The following DNAH3 variants were observed in gnomAD, a reference collection of about 807,000 sequenced individuals.
The protein encoded by DNAH3 is axonemal beta dynein heavy chain 3.
DNAH3 carries 332 observed loss-of-function variants against 432.5 expected under a neutral mutation model. The ratio of observed to expected loss-of-function variants is 0.77; its 90% CI spans 0.70 to 0.84. DNAH3 has a LOEUF of 0.84. DNAH3 is among the 40% of genes least tolerant of loss of function. The probability of loss-of-function intolerance (pLI) is 0.00; values close to 1 mark genes in which losing one functional copy is unlikely to be tolerated. For synonymous variants in DNAH3, 1,956 were observed against 1,900.2 expected (o/e 1.03, Z -0.76); for missense variants, 4,861 against 5,114.0 (o/e 0.95, Z 1.51).
exon 20 of DNAH3, chr16:21,081,703 T>A: frequency 6.2e-7 from 1 of 1,613,964 alleles, no homozygotes; most frequent in Non-Finnish European, 8.5e-7. Flanking sequence ...GTGGGCTTTA[T>A]CTCATAGCCA....
At chr16:21,111,896 C>T in intron 13 of DNAH3, 92 bp from the exon 14 acceptor site, 4 of 1,546,668 alleles carry the variant, frequency 2.6e-6, no homozygotes, top group Non-Finnish European at 3.5e-6. Context: ...TAGTCCAATG[C>T]TGAGCATGGT....
At chr16:21,018,168 A>G (rs1331929230) in intron 41 of DNAH3, among the ~76,000 whole-genome samples, 3 of 152,208 alleles carry the variant, frequency 2.0e-5, no homozygotes, top group Non-Finnish European at 4.4e-5. Context: ...GTTTTGGCAA[A>G]TGCACATATT....
chr16:21,067,151 G>A (rs1029987664), intron 24 of DNAH3, 132 bp downstream of exon 24: 1 of 1,027,474 alleles, frequency 9.7e-7, no homozygotes, highest in South Asian at 1.4e-5. Flanking sequence ...CCTGAAAACT[G>A]TCTTGGAGAA....
At chr16:21,024,801 G>A (rs2088455995) in intron 38 of DNAH3, 100 bp from the exon 39 acceptor site, 1 of 901,282 alleles carries the variant, frequency 1.1e-6, no homozygotes, top group Admixed American at 2.0e-5. Flanking sequence ...ACCATGCTAG[G>A]CATTAATGGA....
At chr16:20,949,441 T>C (rs1426278551) in intron 56 of DNAH3, among the ~76,000 whole-genome samples, 1 of 152,134 alleles carries the variant, frequency 6.6e-6, no homozygotes, top group Non-Finnish European at 1.5e-5. Context: ...ATTGTAATTG[T>C]TCTATTTTAT....
chr16:21,086,700 C>G, intron 19 of DNAH3, 149 bp downstream of exon 19: 1 of 714,892 alleles, frequency 1.4e-6, no homozygotes, highest in Non-Finnish European at 2.4e-6. Context: ...AGAAGTCTTG[C>G]CACTCTCATT....
intron 26 of DNAH3, 29 bp downstream of exon 26, chr16:21,060,235 C>A: frequency 6.4e-7 from 1 of 1,566,584 alleles, no homozygotes; most frequent in South Asian, 1.1e-5. Flanking sequence ...CACTAGTGTC[C>A]TGGCATGTGT....
chr16:21,054,675 C>T (rs1034839543), intron 27 of DNAH3, 141 bp from the exon 28 acceptor site: 6 of 622,268 alleles, frequency 9.6e-6, no homozygotes, highest in Non-Finnish European at 1.7e-5. Context: ...CTTTTCCTTA[C>T]CCCAGTCCTT....
At chr16:20,992,341 A>T (rs904209496) in intron 44 of DNAH3, among the ~76,000 whole-genome samples, 7 of 151,812 alleles carry the variant, frequency 4.6e-5, no homozygotes, top group Admixed American at 1.3e-4. Context: ...TATTTCATAT[A>T]TTTATTTTTA....
chr16:21,016,008 C>T (rs982138121), intron 41 of DNAH3, among the ~76,000 whole-genome samples: 17 of 152,082 alleles, frequency 1.1e-4, no homozygotes, highest in African/African-American at 3.9e-4. Context: ...AGGCTTGTCT[C>T]AAAATCCTGG....
intron 41 of DNAH3, among the ~76,000 whole-genome samples, chr16:21,004,443 C>G (rs985516531): frequency 6.6e-6 from 1 of 152,128 alleles, no homozygotes; most frequent in Non-Finnish European, 1.5e-5. Context: ...TCTCGGCTCA[C>G]TGCAACCTCC....
chr16:21,000,546 C>T (rs369149898), intron 42 of DNAH3, 28 bp from the exon 43 acceptor site: 40 of 1,556,668 alleles, frequency 2.6e-5, no homozygotes, highest in Admixed American at 7.4e-5. Flanking sequence ...GGGAGAGTCT[C>T]GGTTGTGGGC....
At chr16:21,056,895 G>A (rs2090155371) in intron 27 of DNAH3, among the ~76,000 whole-genome samples, 2 of 152,180 alleles carry the variant, frequency 1.3e-5, no homozygotes. Flanking sequence ...GTTTGCATGT[G>A]TACAGTGCAA....
intron 47 of DNAH3, among the ~76,000 whole-genome samples, 172 bp from the exon 48 acceptor site, chr16:20,985,887 A>C (rs1200244049): frequency 1.3e-5 from 2 of 151,028 alleles, no homozygotes; most frequent in African/African-American, 4.9e-5. Flanking sequence ...ACAGAGTCTC[A>C]CTCTGTCGCC....
In DNAH3 at chr16:21,122,202, T is replaced by C. The variant is rs145664754; in HGVS notation, c.1405-78A>G. ...CAAGGGAGTGAATTTTATACATTCA[T>C]AGAACTACATGAGGACCAGAAAAGG... On this transcript the variant is annotated intron_variant, in intron 9 of 61. Transcript: ENST00000261383. 3.5e-4 allele frequency: 413 copies of C among 1,194,016 alleles called. 3 individuals carry two copies. The East Asian group carries it at 9.1e-3, about 26-fold the overall frequency. 74.0% of individuals were successfully genotyped at this position (1,194,016 alleles called of 1,614,324 possible). A position where few individuals can be genotyped will look rare whatever the true frequency, so the allele number is the denominator to read the frequency against.
At chr16:21,120,986 C>T in intron 10 of DNAH3, 2 of 734,424 alleles carry the variant, frequency 2.7e-6, no homozygotes, top group Non-Finnish European at 4.9e-6. Flanking sequence ...GTACTTAGAA[C>T]CCTGTAAGTA....
intron 50 of DNAH3, among the ~76,000 whole-genome samples, chr16:20,977,818 G>A (rs2085665757): frequency 1.3e-5 from 2 of 152,166 alleles, no homozygotes; most frequent in South Asian, 4.1e-4. Context: ...TTATTTTCTG[G>A]TCTAGACTGT....
At chr16:21,001,468 C>T (rs1384164499) in intron 42 of DNAH3, among the ~76,000 whole-genome samples, 1 of 152,132 alleles carries the variant, frequency 6.6e-6, no homozygotes, top group Admixed American at 6.5e-5. Flanking sequence ...TAAAGCAAAA[C>T]TGGACCGTGA....
Position 21,051,884 on chromosome 16 carries a change from T to A in DNAH3, c.4040-16A>T. ...ACGTCGCGGGCTGTTGGGACACAGA[T>A]GCAGAAACACGCACACAGAGCCATC... On this transcript the variant is annotated splice_polypyrimidine_tract_variant and intron_variant, in intron 28 of 61. Coordinates refer to ENST00000261383, the Ensembl canonical transcript of DNAH3. 6.2e-7 allele frequency: 1 copy of A among 1,612,514 alleles called. No homozygotes were observed. The highest frequency in any genetic ancestry group is 2.2e-5 in the East Asian group (1 of 44,878).
Sources: gnomAD v4.1 joint callset for allele counts (sites outside exome capture counted in the v4.1 genomes callset) on GRCh38, gnomAD v4.1.1 for gene constraint, MANE v1.5 for transcripts, NCBI Gene and HGNC (gene_info 2026-07-23, HGNC 2026-07-21) for gene names.